Variants in RAPGEF1 observed in about 807,000 individuals in gnomAD.
RAPGEF1 encodes the protein Rap guanine nucleotide exchange factor 1, also known as CRK SH3-binding GNRP.
A neutral mutation model predicts 143.3 loss-of-function variants in RAPGEF1; 33 were observed. That is an observed-to-expected ratio of 0.23 (90% CI 0.17 to 0.31). The LOEUF is 0.31. Ranked by LOEUF, RAPGEF1 falls within the 10% of genes least tolerant of loss-of-function variation. The pLI is 1.00. For synonymous variants in RAPGEF1, 629 were observed against 676.5 expected, an observed-to-expected ratio of 0.93 and a Z score of 1.09; for missense variants, 1,199 against 1,645.4, an observed-to-expected ratio of 0.73 and a Z score of 4.69.
chr9:131,699,750 G>T (rs1393176022), intron 1 of RAPGEF1, among the ~76,000 whole-genome samples: 1 of 152,096 alleles, frequency 6.6e-6, no homozygotes, highest in African/African-American at 2.4e-5. Flanking sequence ...GTCTTTCGAG[G>T]TTTCTGCTGG....
chr9:131,652,013 A>G (rs1971187733), intron 1 of RAPGEF1, among the ~76,000 whole-genome samples: 1 of 152,236 alleles, frequency 6.6e-6, no homozygotes, highest in Non-Finnish European at 1.5e-5. Context: ...AAGATTAAAA[A>G]TTCCACCTGT....
Position 131,667,725 on chromosome 9 carries a change from C to A in RAPGEF1, c.62-16776G>T, listed in dbSNP as rs377762357. ...CACGTGGCCTAGGGCAGCCTATCCA[C>A]GTATTCCCGTCCCACCCACGTCTCA... On this transcript the variant is annotated intron_variant, in intron 1 of 26. Transcript: ENST00000683357. This position sits in a 1 kb window ranked among gnomAD's most constrained non-coding sequence, Gnocchi z 4.6. Among the ~76,000 whole-genome samples the A allele has an allele frequency of 6.6e-6, 1 of 152,186 alleles. No homozygotes were observed. Among genetic ancestry groups the A allele is most frequent in the Non-Finnish European group, 1.5e-5 (1 of 68,034 alleles).
chr9:131,721,601 G>C (rs748563129), intron 1 of RAPGEF1, among the ~76,000 whole-genome samples: 1 of 152,074 alleles, frequency 6.6e-6, no homozygotes, highest in Non-Finnish European at 1.5e-5. Context: ...AATTCAGCTC[G>C]AAGACGGGTC....
intron 17 of RAPGEF1, among the ~76,000 whole-genome samples, chr9:131,595,746 C>T (rs902701580): frequency 1.3e-5 from 2 of 152,140 alleles, no homozygotes; most frequent in African/African-American, 4.8e-5. Context: ...AGGGGACGGT[C>T]CCTGCTTTTC....
chr9:131,709,445 G>C (rs1210867992), intron 1 of RAPGEF1, among the ~76,000 whole-genome samples: 1 of 152,154 alleles, frequency 6.6e-6, no homozygotes, highest in Non-Finnish European at 1.5e-5. Flanking sequence ...ATTGAGAGAG[G>C]AATCATCTTA....
chr9:131,615,267 G>T (rs894870325), intron 12 of RAPGEF1, among the ~76,000 whole-genome samples: 7 of 152,174 alleles, frequency 4.6e-5, no homozygotes, highest in African/African-American at 1.4e-4. Flanking sequence ...GTAGAGCCGG[G>T]GTTTCACCGT....
chr9:131,639,791 T>C (rs1003572537), intron 4 of RAPGEF1, among the ~76,000 whole-genome samples: 2 of 152,120 alleles, frequency 1.3e-5, no homozygotes, highest in Non-Finnish European at 2.9e-5. Context: ...GAGGAAAATA[T>C]ATAATATTGT....
intron 1 of RAPGEF1, among the ~76,000 whole-genome samples, chr9:131,695,008 T>C (rs1834053476): frequency 7.4e-6 from 1 of 134,650 alleles, no homozygotes; most frequent in Non-Finnish European, 1.5e-5. Flanking sequence ...CCATGTGTTC[T>C]CATTGTTCAC....
intron 1 of RAPGEF1, among the ~76,000 whole-genome samples, chr9:131,732,090 G>A (rs1837109990): frequency 6.6e-6 from 1 of 152,084 alleles, no homozygotes; most frequent in Non-Finnish European, 1.5e-5. Flanking sequence ...AGAAAATACT[G>A]CCCATGCCTC....
intron 22 of RAPGEF1, among the ~76,000 whole-genome samples, chr9:131,586,288 G>C (rs1160951429): frequency 2.2e-5 from 1 of 44,544 alleles, no homozygotes; most frequent in Non-Finnish European, 4.2e-5. Flanking sequence ...ACACACACCT[G>C]CAGAGCCAGA....
chr9:131,726,419 G>T (rs1836671654), intron 1 of RAPGEF1, among the ~76,000 whole-genome samples: 1 of 152,096 alleles, frequency 6.6e-6, no homozygotes, highest in Non-Finnish European at 1.5e-5. Flanking sequence ...TTGAGGCCAT[G>T]CATTCGAGAC....
intron 1 of RAPGEF1, among the ~76,000 whole-genome samples, chr9:131,730,446 GAGGCGGCGGATCACAAGGTC>G (rs1836973813): frequency 6.6e-6 from 1 of 151,818 alleles, no homozygotes; most frequent in African/African-American, 2.4e-5. Flanking sequence ...TTGGGAGGCT[GAGGCGGCGGATCACAAGGTC>G]AGGAGTTCAA....
At chr9:131,690,074 T>C (rs1386469625) in intron 1 of RAPGEF1, among the ~76,000 whole-genome samples, 1 of 152,170 alleles carries the variant, frequency 6.6e-6, no homozygotes, top group African/African-American at 2.4e-5. Flanking sequence ...TAAGAAATGG[T>C]GCTCATGTAC....
At position 131,621,891 on chromosome 9, in the gene RAPGEF1, T is replaced by C; in HGVS notation, c.1810A>G (p.Met604Val). 6.2e-7 allele frequency: 1 copy of C among 1,613,322 alleles called. No homozygotes were observed. Among genetic ancestry groups the C allele is most frequent in the Non-Finnish European group, 8.5e-7 (1 of 1,179,526 alleles). The part of the protein sequence containing the change: ...HIYQQKNKLL[M>V]EVYGFSDSFS... ...GAGTCGCTGAAGCCGTATACCTCCATGAGGAGCTTGTTCTTCTGCTGGTAG... is the reference window on the plus strand; with the variant it reads ...GAGTCGCTGAAGCCGTATACCTCCACGAGGAGCTTGTTCTTCTGCTGGTAG... Residue 604 changes from methionine (M) to valine (V), a missense_variant, in exon 11 of 27, where the codon ATG becomes GTG. This residue lies in a region of RAPGEF1 where 293 missense variants were observed against 356.2 expected (regional missense o/e 0.82). Coordinates refer to ENST00000683357, the MANE Select transcript of RAPGEF1 (RefSeq NM_001377935.1). This position sits in a 1 kb window ranked among gnomAD's most constrained non-coding sequence, Gnocchi z 4.5.
chr9:131,738,998 G>A (rs1589136682), intron 1 of RAPGEF1, among the ~76,000 whole-genome samples: 1 of 152,270 alleles, frequency 6.6e-6, no homozygotes, highest in Admixed American at 6.5e-5. Context: ...CTTCACCTTA[G>A]ACCCAAGAAT....
intron 11 of RAPGEF1, among the ~76,000 whole-genome samples, chr9:131,619,580 G>A (rs957845173): frequency 5.3e-5 from 8 of 152,144 alleles, no homozygotes; most frequent in African/African-American, 1.2e-4. Context: ...ACGGGGCTCC[G>A]GCAGCCTGGG....
At chr9:131,710,838 G>A (rs955658091) in intron 1 of RAPGEF1, among the ~76,000 whole-genome samples, 3 of 151,524 alleles carry the variant, frequency 2.0e-5, no homozygotes, top group East Asian at 2.0e-4. Flanking sequence ...GCAGTAAGCC[G>A]AGATCACACC....
intron 1 of RAPGEF1, chr9:131,737,445 G>C: frequency 1.9e-6 from 3 of 1,613,776 alleles, no homozygotes; most frequent in Non-Finnish European, 2.5e-6. Context: ...TGGCAGCCTG[G>C]GTAGCTTAGA....
chr9:131,627,213 C>CAAAAACAAAAAAAAAAAAAAAAAA (rs1963425140), intron 9 of RAPGEF1, among the ~76,000 whole-genome samples: 1 of 97,416 alleles, frequency 1.0e-5, no homozygotes, highest in South Asian at 4.2e-4. Context: ...GGCTCTGTCT[C>CAAAAACAAAAAAAAAAAAAAAAAA]AAAAAAAAAA....
Sources: gnomAD v4.1 joint callset for allele counts (sites outside exome capture counted in the v4.1 genomes callset) on GRCh38, gnomAD v4.1.1 for gene constraint, gnomAD v4.1.1 regional missense constraint, Gnocchi (gnomAD v3.1) non-coding constraint, MANE v1.5 for transcripts, NCBI Gene and HGNC (gene_info 2026-07-23, HGNC 2026-07-21) for gene names.